GLYCTK: variants seen among roughly 807,000 people sequenced by gnomAD.
The protein encoded by GLYCTK is glycerate kinase.
Under a neutral mutation model 24.8 loss-of-function variants are expected in GLYCTK, and 22 were observed. That is an observed-to-expected ratio of 0.89 (90% confidence interval 0.63 to 1.27). The LOEUF is 1.27. GLYCTK is among the 50% of genes most tolerant of loss of function. The pLI is 0.00. For missense variants in GLYCTK, 684 were observed against 686.7 expected (o/e 1.00, Z 0.04); for synonymous variants, 320 against 297.2 (o/e 1.08, Z -0.79).
chr3:52,292,307 G>T lies in GLYCTK; in HGVS notation c.753G>T (p.Val251=). 1 of 1,613,924 alleles carries T rather than the reference G, an allele frequency of 6.2e-7. No individual in the cohort carries two copies. The highest frequency in any genetic ancestry group is 2.2e-5 in the East Asian group (1 of 44,872). Reference sequence around the variant, plus strand: ...ATGTGGTGGGGGACCCTGTGGAGGTGATTGCCAGTGGCCCCACCGTGGCCA... The same window carrying T: ...ATGTGGTGGGGGACCCTGTGGAGGTTATTGCCAGTGGCCCCACCGTGGCCA... The part of the protein sequence containing the change: ...LSDVVGDPVE[V]IASGPTVASS... The change falls in exon 5 of 5, where the codon GTG becomes GTT. Residue 251 remains valine, a synonymous_variant. Coordinates refer to ENST00000436784, the MANE Select transcript of GLYCTK (RefSeq NM_145262.4).
chr3:52,293,659 G>A lies in GLYCTK; in HGVS notation c.*533G>A, dbSNP rs141101108. The A allele has an allele frequency of 2.2e-5, 10 of 454,340 alleles. No individual in the cohort carries two copies. Among genetic ancestry groups the A allele is most frequent in the Non-Finnish European group, 4.0e-5 (9 of 226,950 alleles). 28.1% of individuals were successfully genotyped at this position (454,340 alleles called of 1,614,324 possible). On this transcript the variant is annotated 3_prime_UTR_variant, in exon 5 of 5. Transcript: ENST00000436784. The stretch of plus-strand genomic sequence containing the variant: ...GTGCCCATCCCTCTGGAGTGTGTGA[G>A]GGTTGAGCTTGGCTCCTGACAGCTT...
Position 52,294,452 on chromosome 3 carries a change from A to G in GLYCTK, c.*1326A>G. On this transcript the variant is annotated 3_prime_UTR_variant, in exon 5 of 5. Coordinates refer to ENST00000436784, the MANE Select transcript of GLYCTK (RefSeq NM_145262.4). Reference sequence around the variant, plus strand: ...CTGGGCTCTGGGCAGCCTAGCTTGCAGACAGTTCATGACCTGGGGGCCTGG... The same window carrying G: ...CTGGGCTCTGGGCAGCCTAGCTTGCGGACAGTTCATGACCTGGGGGCCTGG... The G allele has an allele frequency of 2.3e-6, 1 of 434,594 alleles. No individual in the cohort carries two copies. The highest frequency in any genetic ancestry group is 4.6e-6 in the Non-Finnish European group (1 of 215,412). 26.9% of individuals were successfully genotyped at this position (434,594 alleles called of 1,614,324 possible).
chr3:52,290,935 T>A, intron 2 of GLYCTK, 25 bp from the exon 3 acceptor site: 1 of 1,613,864 alleles, frequency 6.2e-7, no homozygotes, highest in African/African-American at 1.3e-5. Context: ...CCCCATCTCT[T>A]GCGTGCTGAC....
At position 52,287,862 on chromosome 3, in the gene GLYCTK, C is replaced by G. The variant is rs1050895040; in HGVS notation, c.-54C>G. On this transcript the variant is annotated 5_prime_UTR_variant, in exon 1 of 5. Transcript: ENST00000436784. ...GTTCTCCAGCGCTGGGCACCGCGGC[C>G]GGAGCTGTGGGCTGGTAAGTCTGCG... is the stretch of plus-strand genomic sequence containing the variant. 4.4e-6 allele frequency: 2 copies of G among 452,408 alleles called. No homozygotes were observed. Among genetic ancestry groups the G allele is most frequent in the South Asian group, 1.6e-5 (1 of 64,416 alleles). 28.0% of individuals were successfully genotyped at this position (452,408 alleles called of 1,614,324 possible).
chr3:52,293,488 C>T lies in GLYCTK; in HGVS notation c.*362C>T, dbSNP rs1316008170. The T allele has an allele frequency of 2.0e-6, 1 of 492,012 alleles. No homozygotes were observed. Among genetic ancestry groups the T allele is most frequent in the Non-Finnish European group, 4.0e-6 (1 of 251,298 alleles). 30.5% of individuals were successfully genotyped at this position (492,012 alleles called of 1,614,324 possible). On this transcript the variant is annotated 3_prime_UTR_variant, in exon 5 of 5. Transcript: ENST00000436784. ...ACCATGCCATGGGTTCTCAGTGCGC[C>T]TTCCCTCAGAGTGAGGCCTCACGGG... is the stretch of plus-strand genomic sequence containing the variant.
At chr3:52,292,026 G>T (rs181998376) in intron 4 of GLYCTK, 104 bp downstream of exon 4, 2 of 1,281,942 alleles carry the variant, frequency 1.6e-6, no homozygotes, top group African/African-American at 2.9e-5. Flanking sequence ...CAGGGGCATG[G>T]TGTGAAAGAC....
In GLYCTK at chr3:52,292,367, C is replaced by T. The variant is rs745370951; in HGVS notation, c.813C>T (p.Leu271=). The part of the protein sequence containing the change: ...SHNVQDCLHI[L]NRYGLRAALP... The stretch of plus-strand genomic sequence containing the variant: ...ATGTGCAAGATTGCCTGCATATCCT[C>T]AATCGCTACGGCCTCCGTGCAGCCC... Residue 271 remains leucine (L), a synonymous_variant, in exon 5 of 5, where the codon CTC becomes CTT. Coordinates refer to ENST00000436784, the MANE Select transcript of GLYCTK (RefSeq NM_145262.4). The T allele has an allele frequency of 6.2e-6, 10 of 1,613,906 alleles. 1 individual carries two copies. The South Asian group carries it at 1.1e-4, about 18-fold the overall frequency.
intron 3 of GLYCTK, 115 bp downstream of exon 3, chr3:52,291,226 G>A: frequency 7.4e-7 from 1 of 1,356,748 alleles, no homozygotes; most frequent in Non-Finnish European, 1.0e-6. Context: ...TAGGAGCAAG[G>A]GAGGTGGTGA....
In GLYCTK at chr3:52,290,664, G is replaced by T. The variant is rs1700435190; in HGVS notation, c.322G>T (p.Gly108Cys). 6.2e-7 allele frequency: 1 copy of T among 1,613,672 alleles called. No homozygotes were observed. Residue 108 changes from glycine to cysteine, a missense_variant, in exon 2 of 5, where the codon GGC (glycine) becomes TGC (cysteine). Gly to Cys is a radical substitution (Grantham distance 159, BLOSUM62 -3). Transcript: ENST00000436784. The part of the protein sequence containing the change: ...EELLGQHLVQ[G>C]VISVPKGIRA... ...ACTACTGGGCCAGCATCTTGTGCAG[G>T]GCGTGATCAGCGTTCCCAAGGGGAT... is the stretch of plus-strand genomic sequence containing the variant.
intron 4 of GLYCTK, 98 bp downstream of exon 4, chr3:52,292,020 G>A: frequency 7.6e-7 from 1 of 1,315,944 alleles, no homozygotes; most frequent in South Asian, 1.3e-5. Context: ...GATTGGCAGG[G>A]GCATGGTGTG....
chr3:52,292,955 T>C lies in GLYCTK; in HGVS notation c.1401T>C (p.Pro467=). 1.2e-6 allele frequency: 2 copies of C among 1,614,058 alleles called. No individual in the cohort carries two copies. The highest frequency in any genetic ancestry group is 1.7e-6 in the Non-Finnish European group (2 of 1,179,984). ...AGGCTGCTGGGGCCTGGGTCACACC[T>C]GAGCTTGCCAGCCAGGCTGCAGCTG... ...PTEAAGAWVT[P]ELASQAAAEG... The change falls in exon 5 of 5, where the codon CCT becomes CCC. Residue 467 remains proline, a synonymous_variant. Coordinates refer to ENST00000436784, the MANE Select transcript of GLYCTK (RefSeq NM_145262.4).
rs919892895 is a variant in GLYCTK, at chr3:52,294,461, A to G, written c.*1335A>G. On this transcript the variant is annotated 3_prime_UTR_variant, in exon 5 of 5. Transcript: ENST00000436784. ...GGGCAGCCTAGCTTGCAGACAGTTC[A>G]TGACCTGGGGGCCTGGCTCACACAG... is the stretch of plus-strand genomic sequence containing the variant. The G allele has an allele frequency of 4.8e-6, 2 of 420,066 alleles. No individual in the cohort carries two copies. 26.0% of individuals were successfully genotyped at this position (420,066 alleles called of 1,614,324 possible).
Position 52,294,041 on chromosome 3 carries a change from C to G in GLYCTK, c.*915C>G, listed in dbSNP as rs773156120. 2 of 438,224 alleles carry G rather than the reference C, an allele frequency of 4.6e-6. No individual in the cohort carries two copies. Among genetic ancestry groups the G allele is most frequent in the Admixed American group, 2.4e-5 (1 of 41,620 alleles). 27.1% of individuals were successfully genotyped at this position (438,224 alleles called of 1,614,324 possible). A position where few individuals can be genotyped will look rare whatever the true frequency, so the allele number is the denominator to read the frequency against. On this transcript the variant is annotated 3_prime_UTR_variant, in exon 5 of 5. Transcript: ENST00000436784. Reference sequence around the variant, plus strand: ...CCCAGCACTGGGATGGTGGGTCCAGCCAGTGATGAGGTCCAGTGACCCACA... The same window carrying G: ...CCCAGCACTGGGATGGTGGGTCCAGGCAGTGATGAGGTCCAGTGACCCACA...
At chr3:52,290,799 C>G in intron 2 of GLYCTK, 80 bp downstream of exon 2, 1 of 1,583,054 alleles carries the variant, frequency 6.3e-7, no homozygotes, top group Non-Finnish European at 8.6e-7. Flanking sequence ...ATCGGGCCTC[C>G]CCTCCCCACC....
At chr3:52,288,779 C>G (rs770526974) in intron 1 of GLYCTK, 2 of 152,068 alleles carry the variant, frequency 1.3e-5, no homozygotes, top group Non-Finnish European at 1.5e-5. Flanking sequence ...GTCTTAGTTG[C>G]TAAGATGCTT....
intron 2 of GLYCTK, 58 bp from the exon 3 acceptor site, chr3:52,290,902 T>C: frequency 1.2e-6 from 2 of 1,608,004 alleles, no homozygotes; most frequent in Non-Finnish European, 8.5e-7. Context: ...AGTTGAGAGA[T>C]CAGGTGGGAG....
Position 52,292,333 on chromosome 3 carries a change from G to T in GLYCTK, c.779G>T (p.Ser260Ile), listed in dbSNP as rs745935723. 9 of 1,613,906 alleles carry T rather than the reference G, an allele frequency of 5.6e-6. No individual in the cohort carries two copies. The highest frequency in any genetic ancestry group is 1.3e-5 in the African/African-American group (1 of 74,930). The change falls in exon 5 of 5, where the codon AGT (serine) becomes ATT (isoleucine). Residue 260 changes from serine (S) to isoleucine (I), a missense_variant. Coordinates refer to ENST00000436784, the MANE Select transcript of GLYCTK (RefSeq NM_145262.4). The part of the protein sequence containing the change: ...EVIASGPTVA[S>I]SHNVQDCLHI... ...ATTGCCAGTGGCCCCACCGTGGCCA[G>T]TTCCCACAATGTGCAAGATTGCCTG...
intron 1 of GLYCTK, among the ~76,000 whole-genome samples, chr3:52,288,180 A>G (rs1700348056): frequency 6.6e-6 from 1 of 152,166 alleles, no homozygotes; most frequent in South Asian, 2.1e-4. Context: ...CTTGGATAGA[A>G]TTGGAGGACT....
In GLYCTK at chr3:52,294,898, A is replaced by G. The variant is rs1240956938; in HGVS notation, c.*1772A>G. ...TACAGACGTTGGTGTTGGCGTACTC[A>G]GAGTGGGAATGCATCTCTGAGTGTA... is the stretch of plus-strand genomic sequence containing the variant. On this transcript the variant is annotated 3_prime_UTR_variant, in exon 5 of 5. Transcript: ENST00000436784. 1 of 454,090 alleles carries G rather than the reference A, an allele frequency of 2.2e-6. No homozygotes were observed. Among genetic ancestry groups the G allele is most frequent in the Non-Finnish European group, 4.4e-6 (1 of 226,778 alleles). 28.1% of individuals were successfully genotyped at this position (454,090 alleles called of 1,614,324 possible). A position where few individuals can be genotyped will look rare whatever the true frequency, so the allele number is the denominator to read the frequency against.
Sources: gnomAD v4.1 joint callset for allele counts (sites outside exome capture counted in the v4.1 genomes callset) on GRCh38, gnomAD v4.1.1 for gene constraint, MANE v1.5 for transcripts, NCBI Gene and HGNC (gene_info 2026-07-23, HGNC 2026-07-21) for gene names.